Variants in CDYL observed in about 807,000 individuals in gnomAD.
CDYL encodes the protein chromodomain Y-like protein.
In CDYL, 8 loss-of-function variants were observed where a neutral mutation model predicts 47.3. That is an observed-to-expected ratio of 0.17 (90% CI 0.10 to 0.31). The LOEUF is 0.31. CDYL is among the 10% of genes least tolerant of loss of function. The pLI is 1.00. For synonymous variants in CDYL, 266 were observed against 265.0 expected (o/e 1.00, Z -0.04); for missense variants, 471 against 701.4 (o/e 0.67, Z 3.71).
intron 1 of CDYL, among the ~76,000 whole-genome samples, chr6:4,849,578 TTCTC>T (rs1446227463): frequency 6.6e-6 from 1 of 152,088 alleles, no homozygotes; most frequent in Non-Finnish European, 1.5e-5. Context: ...CTTACTTTCT[TTCTC>T]CACTGCTTTT....
At chr6:4,830,493 A>G (rs1760105322) in intron 1 of CDYL, among the ~76,000 whole-genome samples, 1 of 152,146 alleles carries the variant, frequency 6.6e-6, no homozygotes, top group Admixed American at 6.5e-5. Flanking sequence ...ACTCAGGAAT[A>G]GTTTGTGTTC....
chr6:4,773,759 T>C (rs1477969978), upstream of CDYL, among the ~76,000 whole-genome samples: 2 of 152,028 alleles, frequency 1.3e-5, no homozygotes, highest in African/African-American at 2.4e-5. The surrounding 1 kb of genome is among the most constrained non-coding windows in gnomAD (Gnocchi z 4.6). Flanking sequence ...AACTTAGGAG[T>C]ATGGCTCACT....
chr6:4,937,666 C>T lies in CDYL; in HGVS notation c.1050C>T (p.Asp350=). 2 of 1,614,038 alleles carry T rather than the reference C, an allele frequency of 1.2e-6. No individual in the cohort carries two copies. The highest frequency in any genetic ancestry group is 1.7e-6 in the Non-Finnish European group (2 of 1,179,954). ...AVGSVFCCGL[D]FIYFIRRLTD... is the part of the protein sequence containing the mutation. ...GCAGCGTCTTCTGTTGTGGACTTGA[C>T]TTTATTTATTTTATACGACGTCTGA... Residue 350 remains aspartate, a synonymous_variant, in exon 4 of 7, where the codon GAC becomes GAT. Coordinates refer to ENST00000397588, the MANE Select transcript of CDYL (RefSeq NM_004824.4).
chr6:4,840,350 A>C (rs1760450974), intron 1 of CDYL, among the ~76,000 whole-genome samples: 1 of 152,158 alleles, frequency 6.6e-6, no homozygotes, highest in Non-Finnish European at 1.5e-5. Context: ...GTCATCAGCA[A>C]ACGGTGACGG....
At chr6:4,932,595 G>A (rs1758063670) in intron 2 of CDYL, among the ~76,000 whole-genome samples, 1 of 152,176 alleles carries the variant, frequency 6.6e-6, no homozygotes, top group East Asian at 1.9e-4. Flanking sequence ...ATCCAGCTCA[G>A]GTTGAGGAAC....
chr6:4,783,596 T>C (rs1303869703), intron 1 of CDYL, among the ~76,000 whole-genome samples: 1 of 151,994 alleles, frequency 6.6e-6, no homozygotes, highest in Admixed American at 6.6e-5. Context: ...TTTGTATTTT[T>C]AGTAGAGATG....
chr6:4,752,867 GGTAGGTAGGTAGGTAT>G lies in CDYL; in HGVS notation c.186+18052_186+18067del, dbSNP rs558434964. Among the ~76,000 whole-genome samples the G allele has an allele frequency of 2.3e-3, 328 of 142,754 alleles. 1 individual carries two copies. Among genetic ancestry groups the G allele is most frequent in the African/African-American group, 8.8e-3 (306 of 34,890 alleles). The allele number at this position is 142,754 out of a possible 152,430, so 93.7% of individuals were successfully genotyped here. A position where few individuals can be genotyped will look rare whatever the true frequency, so the allele number is the denominator to read the frequency against. The stretch of plus-strand genomic sequence containing the variant: ...GTGTGTGTGTGTGTGTTTGTAGATA[GGTAGGTAGGTAGGTAT>G]GTAGGTAGGTAGGTATGTAGGTAGG... On this transcript the variant is annotated intron_variant, in intron 3 of 8. Coordinates refer to the CDYL transcript ENST00000328908.
intron 1 of CDYL, among the ~76,000 whole-genome samples, chr6:4,888,092 G>A (rs1300801496): frequency 2.6e-5 from 4 of 151,974 alleles, no homozygotes; most frequent in South Asian, 2.1e-4. Flanking sequence ...TTCAATTTGC[G>A]AATGTTTTGT....
intron 1 of CDYL, among the ~76,000 whole-genome samples, chr6:4,815,980 T>TTTC (rs1759664384): frequency 6.6e-6 from 1 of 151,284 alleles, no homozygotes; most frequent in African/African-American, 2.4e-5. Context: ...AGGTTTTTTT[T>TTTC]TTTTTTGACG....
At chr6:4,797,427 C>T (rs1160254211) in intron 1 of CDYL, among the ~76,000 whole-genome samples, 8 of 140,938 alleles carry the variant, frequency 5.7e-5, no homozygotes, top group South Asian at 4.5e-4. Flanking sequence ...CTTTTCATTT[C>T]TTTTTTTTTT....
Position 4,895,440 on chromosome 6 carries a change from TATATATGCATATATAC to T in CDYL, c.691+3064_691+3079del, listed in dbSNP as rs1272550667. ...ATATATGCATGTATACATGTATACGTATATATGCATATATACATGTATACATATATACGTATATATG... is the reference window on the plus strand; with the variant it reads ...ATATATGCATGTATACATGTATACGTATGTATACATATATACGTATATATG... On this transcript the variant is annotated intron_variant, in intron 2 of 6. Coordinates refer to ENST00000397588, the MANE Select transcript of CDYL (RefSeq NM_004824.4). 4.7e-4 allele frequency among the ~76,000 whole-genome samples: 43 copies of T among 91,824 alleles called. 21 individuals are homozygous for T. The highest frequency in any genetic ancestry group is 2.2e-3 in the Admixed American group (19 of 8,544). The allele number at this position is 91,824 out of a possible 152,430, so 60.2% of individuals were successfully genotyped here. A position where few individuals can be genotyped will look rare whatever the true frequency, so the allele number is the denominator to read the frequency against.
intron 1 of CDYL, among the ~76,000 whole-genome samples, chr6:4,795,166 C>A (rs1466301994): frequency 6.6e-6 from 1 of 150,778 alleles, no homozygotes; most frequent in African/African-American, 2.4e-5. Context: ...AAAAAAAAAT[C>A]TGGTTAAAGT....
At chr6:4,712,268 A>C (rs1286915156) in intron 1 of CDYL, among the ~76,000 whole-genome samples, 3 of 152,074 alleles carry the variant, frequency 2.0e-5, no homozygotes, top group Non-Finnish European at 2.9e-5. Flanking sequence ...AGAATACTGC[A>C]CTCCAGCAAT....
rs183957672 is a variant in CDYL, at chr6:4,889,459, G to A, written c.25-2254G>A. Among the ~76,000 whole-genome samples, 110 of 152,096 alleles carry A rather than the reference G, an allele frequency of 7.2e-4. 3 individuals are homozygous for A. In the East Asian group the frequency reaches 0.015, roughly 20 times the overall value. On this transcript the variant is annotated intron_variant, in intron 1 of 6. Coordinates refer to ENST00000397588, the MANE Select transcript of CDYL (RefSeq NM_004824.4). ...AGGCTGGTCTCAAACTCCTGACCTCGTGATCCGCCCGCCTTGGCCTCCCAA... is the reference window on the plus strand; with the variant it reads ...AGGCTGGTCTCAAACTCCTGACCTCATGATCCGCCCGCCTTGGCCTCCCAA...
intron 2 of CDYL, among the ~76,000 whole-genome samples, chr6:4,931,384 T>C (rs1449777797): frequency 6.6e-6 from 1 of 152,142 alleles, no homozygotes; most frequent in Non-Finnish European, 1.5e-5. Flanking sequence ...CAAGAAGGCT[T>C]GTCTGAGATG....
At chr6:4,783,129 A>G (rs1410769586) in intron 1 of CDYL, among the ~76,000 whole-genome samples, 1 of 133,410 alleles carries the variant, frequency 7.5e-6, no homozygotes, top group Non-Finnish European at 1.7e-5. Context: ...CTGACTTCAT[A>G]GTTTCTTCAA....
intron 1 of CDYL, among the ~76,000 whole-genome samples, chr6:4,805,714 C>G (rs559118979): frequency 2.0e-4 from 31 of 152,154 alleles, no homozygotes; most frequent in Non-Finnish European, 4.0e-4. Flanking sequence ...GATCCTGGCT[C>G]ATGAAGAGGG....
In CDYL at chr6:4,902,036, A is replaced by G. The variant is rs181221431; in HGVS notation, c.691+9657A>G. 2.0e-3 allele frequency among the ~76,000 whole-genome samples: 299 copies of G among 152,142 alleles called. 2 individuals are homozygous for G. Among genetic ancestry groups the G allele is most frequent in the African/African-American group, 7.0e-3 (289 of 41,494 alleles). The stretch of plus-strand genomic sequence containing the variant: ...CAAGGGGTGAGGTCAACTTCATCTA[A>G]ACTCTGTAACCTAGAAGGAAGGGGA... On this transcript the variant is annotated intron_variant, in intron 2 of 6. Coordinates refer to ENST00000397588, the MANE Select transcript of CDYL (RefSeq NM_004824.4).
At chr6:4,869,572 C>T (rs1761416380) in intron 1 of CDYL, among the ~76,000 whole-genome samples, 1 of 151,872 alleles carries the variant, frequency 6.6e-6, no homozygotes, top group South Asian at 2.1e-4. Context: ...ATTTTTTGGC[C>T]TGTACCATAT....
Sources: gnomAD v4.1 joint callset for allele counts (sites outside exome capture counted in the v4.1 genomes callset) on GRCh38, gnomAD v4.1.1 for gene constraint, Gnocchi (gnomAD v3.1) non-coding constraint, MANE v1.5 for transcripts, NCBI Gene and HGNC (gene_info 2026-07-23, HGNC 2026-07-21) for gene names.